PAN3: variants seen among roughly 807,000 people sequenced by gnomAD.
The protein encoded by PAN3 is PAN2-PAN3 deadenylation complex subunit PAN3.
In PAN3, 19 loss-of-function variants were observed where a neutral mutation model predicts 96.2. That is an observed-to-expected ratio of 0.20 (90% CI 0.14 to 0.29). The LOEUF (loss-of-function observed/expected upper bound fraction) is 0.29. Ranked by LOEUF, PAN3 falls within the 10% of genes least tolerant of loss-of-function variation. The pLI is 1.00. For missense variants in PAN3, 882 were observed against 1,108.1 expected (o/e 0.80, Z 2.90); for synonymous variants, 433 against 406.6 (o/e 1.06, Z -0.78).
chr13:28,194,676 C>T (rs1203674703), intron 4 of PAN3, among the ~76,000 whole-genome samples: 1 of 151,720 alleles, frequency 6.6e-6, no homozygotes, highest in Non-Finnish European at 1.5e-5. Flanking sequence ...CACCTTGTTG[C>T]TCAGTCTGGT....
chr13:28,225,748 T>TG (rs1881930020), intron 6 of PAN3, among the ~76,000 whole-genome samples: 1 of 152,098 alleles, frequency 6.6e-6, no homozygotes, highest in African/African-American at 2.4e-5. Context: ...TTTTGCTGAA[T>TG]GGGAAAAAAA....
chr13:28,249,533 C>T (rs1286427026), intron 6 of PAN3, among the ~76,000 whole-genome samples: 1 of 152,010 alleles, frequency 6.6e-6, no homozygotes, highest in Non-Finnish European at 1.5e-5. Context: ...ACCACAGCCT[C>T]CACCTCCTGG....
intron 2 of PAN3, among the ~76,000 whole-genome samples, chr13:28,175,068 C>CAAAAA (rs1566159109): frequency 6.6e-6 from 1 of 151,828 alleles, no homozygotes; most frequent in Non-Finnish European, 1.5e-5. Flanking sequence ...TTGTATTGCA[C>CAAAAA]AATTTTGTAG....
intron 6 of PAN3, among the ~76,000 whole-genome samples, chr13:28,235,015 A>C (rs1303424201): frequency 6.6e-6 from 1 of 152,194 alleles, no homozygotes; most frequent in Non-Finnish European, 1.5e-5. Context: ...TTGTCATTAG[A>C]ATAATTTCCA....
Position 28,145,690 on chromosome 13 carries a change from A to G in PAN3, c.430+6603A>G, listed in dbSNP as rs116750293. Among the ~76,000 whole-genome samples, 1,017 of 151,764 alleles carry G rather than the reference A, an allele frequency of 6.7e-3. 10 individuals are homozygous for G. Among genetic ancestry groups the G allele is most frequent in the African/African-American group, 0.024 (983 of 41,328 alleles). On this transcript the variant is annotated intron_variant, in intron 1 of 18. Transcript: ENST00000380958. ...GAGCTGGCCTTGAACTTCTGGCCTC[A>G]AGCAATACTCCTGCCTTGGTCTCTG...
chr13:28,271,205 C>G (rs985530712), intron 13 of PAN3, among the ~76,000 whole-genome samples: 2 of 152,176 alleles, frequency 1.3e-5, no homozygotes, highest in African/African-American at 2.4e-5. Flanking sequence ...TTACAAAACA[C>G]AGCTTGCTGG....
At chr13:28,190,998 G>C (rs1009234876) in intron 4 of PAN3, among the ~76,000 whole-genome samples, 5 of 152,168 alleles carry the variant, frequency 3.3e-5, no homozygotes, top group Non-Finnish European at 5.9e-5. Flanking sequence ...GATGGGACTG[G>C]TCAGGCTATC....
chr13:28,157,146 T>G (rs923916761), intron 1 of PAN3, among the ~76,000 whole-genome samples: 1 of 151,946 alleles, frequency 6.6e-6, no homozygotes, highest in Non-Finnish European at 1.5e-5. Context: ...TCTCAATAGA[T>G]GTAGAAAAGG....
chr13:28,261,802 C>T (rs894557910), intron 9 of PAN3, among the ~76,000 whole-genome samples: 7 of 136,352 alleles, frequency 5.1e-5, no homozygotes, highest in Admixed American at 1.7e-4. Context: ...CACTGCACTC[C>T]AGCCGGGGTG....
chr13:28,229,240 C>CT (rs953350543), intron 6 of PAN3, among the ~76,000 whole-genome samples: 1 of 152,198 alleles, frequency 6.6e-6, no homozygotes, highest in Non-Finnish European at 1.5e-5. Flanking sequence ...TCATTTGCAT[C>CT]TTTTGTAATG....
chr13:28,267,725 A>G (rs1200935280), intron 12 of PAN3, among the ~76,000 whole-genome samples: 1 of 152,178 alleles, frequency 6.6e-6, no homozygotes, highest in African/African-American at 2.4e-5. Flanking sequence ...TTCCCCCTGT[A>G]AAACTGTCAG....
At chr13:28,244,844 T>A (rs1455819124) in intron 6 of PAN3, among the ~76,000 whole-genome samples, 2 of 152,086 alleles carry the variant, frequency 1.3e-5, no homozygotes, top group Non-Finnish European at 2.9e-5. Flanking sequence ...TTATTTTGTT[T>A]TATTTTATTT....
chr13:28,206,339 T>TG (rs1879359974), intron 5 of PAN3, among the ~76,000 whole-genome samples: 2 of 138,760 alleles, frequency 1.4e-5, no homozygotes. Flanking sequence ...TTTTTTTTTT[T>TG]GAGACAGAGT....
At chr13:28,281,559 C>G (rs1175143907) in intron 17 of PAN3, among the ~76,000 whole-genome samples, 180 bp downstream of exon 17, 1 of 152,104 alleles carries the variant, frequency 6.6e-6, no homozygotes, top group Non-Finnish European at 1.5e-5. Context: ...GCTGTCCTTA[C>G]GAATTTTACA....
chr13:28,293,636 GATA>G lies in PAN3; in HGVS notation c.*1119_*1121del, dbSNP rs1870031489. ...CTTAGCCCAAAGTAATAGTACTTTT[GATA>G]ATAACTCACTCTGTGCGATATTCCT... On this transcript the variant is annotated 3_prime_UTR_variant, in exon 19 of 19. Transcript: ENST00000380958. 6.6e-6 allele frequency: 1 copy of G among 152,414 alleles called. No homozygotes were observed. The highest frequency in any genetic ancestry group is 2.4e-5 in the African/African-American group (1 of 41,350). The allele number at this position is 152,414 out of a possible 1,614,324, so 9.4% of individuals were successfully genotyped here. A position where few individuals can be genotyped will look rare whatever the true frequency, so the allele number is the denominator to read the frequency against.
In PAN3 at chr13:28,139,072, G is replaced by A. The variant is rs2137885396; in HGVS notation, c.415G>A (p.Gly139Arg). ...AGGAGGCAGTAGCGGGGGACTCGAT[G>A]GACCGCGGCTGGCAAGTGAGTGTTT... ...GGGGSSGGLD[G>R]PRLAIPGMDG... The change falls in exon 1 of 19, where the codon GGA becomes AGA. Residue 139 changes from glycine to arginine, a missense_variant. By Grantham distance (125) the Gly-to-Arg change is moderately radical. Transcript: ENST00000380958. The A allele has an allele frequency of 2.4e-6, 3 of 1,270,380 alleles. No homozygotes were observed. The highest frequency in any genetic ancestry group is 5.4e-5 in the South Asian group (2 of 37,246). The allele number at this position is 1,270,380 out of a possible 1,614,324, so 78.7% of individuals were successfully genotyped here.
intron 6 of PAN3, among the ~76,000 whole-genome samples, chr13:28,233,367 A>G (rs1265133943): frequency 6.6e-6 from 1 of 151,536 alleles, no homozygotes; most frequent in Non-Finnish European, 1.5e-5. Flanking sequence ...CCTGGGCTCA[A>G]GCGATTCTCC....
chr13:28,153,923 A>G (rs1871736856), intron 1 of PAN3, among the ~76,000 whole-genome samples: 3 of 152,176 alleles, frequency 2.0e-5, no homozygotes, highest in African/African-American at 7.2e-5. Context: ...CTGTTATTAA[A>G]TTTCTAGCCG....
chr13:28,181,871 CT>C (rs1875836355), intron 4 of PAN3, among the ~76,000 whole-genome samples: 1 of 152,086 alleles, frequency 6.6e-6, no homozygotes, highest in African/African-American at 2.4e-5. Context: ...TTGAGAAGCA[CT>C]GATTTTCTTT....
Sources: gnomAD v4.1 joint callset for allele counts (sites outside exome capture counted in the v4.1 genomes callset) on GRCh38, gnomAD v4.1.1 for gene constraint, MANE v1.5 for transcripts, NCBI Gene and HGNC (gene_info 2026-07-23, HGNC 2026-07-21) for gene names.